The following GSE1 variants were observed in gnomAD, a reference collection of about 807,000 sequenced individuals.
GSE1 encodes the protein genetic suppressor element 1.
In GSE1, 32 loss-of-function variants were observed where a neutral mutation model predicts 112.6. The observed-to-expected ratio is 0.28, with a 90% confidence interval of 0.21 to 0.38. The LOEUF (loss-of-function observed/expected upper bound fraction) is 0.38, where lower values mean the gene tolerates loss of function less well. GSE1 is among the 10% of genes least tolerant of loss of function. GSE1 has a pLI of 1.00. For missense variants in GSE1, 2,348 were observed against 1,699.2 expected (o/e 1.38, Z -6.71); for synonymous variants, 1,115 against 735.6 (o/e 1.52, Z -8.35).
chr16:85,350,615 C>T (rs2046833452), intron 1 of GSE1, among the ~76,000 whole-genome samples: 1 of 152,244 alleles, frequency 6.6e-6, no homozygotes, highest in East Asian at 1.9e-4. Flanking sequence ...CTTTGAGGGG[C>T]CATGAGGTCA....
chr16:85,170,875 C>G (rs2074348332), exon 1 of GSE1: 1 of 985,548 alleles, frequency 1.0e-6, no homozygotes, highest in South Asian at 4.7e-5. Flanking sequence ...CTATGTGGTG[C>G]CCCTGGACAG....
chr16:85,348,218 A>G lies in GSE1; in HGVS notation c.2284-9245A>G, dbSNP rs1344689837. Reference sequence around the variant, plus strand: ...CTGTCCATCATCTGTCCACCCATCTATCATCCATCCACCTGTCCATCATCC... The same window carrying G: ...CTGTCCATCATCTGTCCACCCATCTGTCATCCATCCACCTGTCCATCATCC... On this transcript the variant is annotated intron_variant, in intron 1 of 2. Transcript: ENST00000637419. Among the ~76,000 whole-genome samples the G allele has an allele frequency of 2.0e-5, 3 of 151,576 alleles. No individual in the cohort carries two copies. In the East Asian group the frequency reaches 5.8e-4, roughly 29 times the overall value.
intron 1 of GSE1, among the ~76,000 whole-genome samples, chr16:85,290,308 A>G (rs1352967833): frequency 6.6e-6 from 1 of 152,168 alleles, no homozygotes; most frequent in Admixed American, 6.5e-5. Flanking sequence ...GGCCATGTCC[A>G]CGTCACCCCC....
At chr16:85,592,563 G>C (rs916755317) in intron 1 of GSE1, 2 of 152,230 alleles carry the variant, frequency 1.3e-5, no homozygotes, top group Non-Finnish European at 2.9e-5. Context: ...ATTTCTACCC[G>C]TGGCCCCTTC....
At chr16:85,630,218 C>T (rs1385796789) in intron 1 of GSE1, among the ~76,000 whole-genome samples, 1 of 152,220 alleles carries the variant, frequency 6.6e-6, no homozygotes, top group Non-Finnish European at 1.5e-5. Context: ...GGTGATCTTA[C>T]CTTGGCAGCT....
chr16:85,215,952 C>A (rs755138987), intron 1 of GSE1, among the ~76,000 whole-genome samples: 1 of 152,202 alleles, frequency 6.6e-6, no homozygotes, highest in South Asian at 2.1e-4. Context: ...GCAAACCCAG[C>A]TGTGAGCAGA....
chr16:85,201,484 G>C (rs7193671), intron 1 of GSE1, among the ~76,000 whole-genome samples: 94,068 of 151,276 alleles, frequency 0.62, 29,668 homozygotes, highest in Middle Eastern at 0.68. Flanking sequence ...GTGGTGAAAC[G>C]CCATCTGTAC....
chr16:85,610,141 G>C (rs1037592792), upstream of GSE1, among the ~76,000 whole-genome samples: 1 of 152,232 alleles, frequency 6.6e-6, no homozygotes, highest in Non-Finnish European at 1.5e-5. Context: ...CTCAGGGTGT[G>C]AGCAAACGCG....
At chr16:85,328,065 C>T (rs566007513) in intron 1 of GSE1, among the ~76,000 whole-genome samples, 1 of 152,368 alleles carries the variant, frequency 6.6e-6, no homozygotes, top group South Asian at 2.1e-4. Context: ...TTGGCCTCTC[C>T]TCCTTATGTT....
intron 1 of GSE1, among the ~76,000 whole-genome samples, chr16:85,600,609 CA>C (rs1186937826): frequency 3.3e-5 from 5 of 151,964 alleles, no homozygotes; most frequent in African/African-American, 1.2e-4. Context: ...CACACACACA[CA>C]CCCCAAAAAC....
chr16:85,543,915 G>T (rs1322907109), intron 2 of GSE1, among the ~76,000 whole-genome samples: 2 of 152,178 alleles, frequency 1.3e-5, no homozygotes, highest in African/African-American at 2.4e-5. Context: ...TCAGCTCACT[G>T]CAACCTCTGC....
intron 1 of GSE1, among the ~76,000 whole-genome samples, chr16:85,296,333 A>G (rs539857303): frequency 6.6e-6 from 1 of 152,266 alleles, no homozygotes; most frequent in East Asian, 1.9e-4. Flanking sequence ...GGCCGGGTGC[A>G]GTGGCTCCCG....
In GSE1 at chr16:85,672,710, G is replaced by C. The variant is rs747728586; in HGVS notation, c.*171G>C. On this transcript the variant is annotated 3_prime_UTR_variant, in exon 16 of 16. Coordinates refer to ENST00000253458, the MANE Select transcript of GSE1 (RefSeq NM_014615.5). ...AAAAAATGAATGAACTCACCTTGAC[G>C]TCAATGCAATTGAATCACCGTTGTC... 5.8e-5 allele frequency: 26 copies of C among 446,624 alleles called. No homozygotes were observed. The highest frequency in any genetic ancestry group is 9.0e-5 in the Non-Finnish European group (23 of 255,662). 27.7% of individuals were successfully genotyped at this position (446,624 alleles called of 1,614,324 possible). A position where few individuals can be genotyped will look rare whatever the true frequency, so the allele number is the denominator to read the frequency against.
At chr16:85,221,118 C>T (rs2075383821) in intron 1 of GSE1, among the ~76,000 whole-genome samples, 2 of 152,034 alleles carry the variant, frequency 1.3e-5, no homozygotes, top group South Asian at 4.2e-4. Context: ...CCTCCGAGGT[C>T]AAGCGGTGCA....
chr16:85,632,592 A>C (rs1297884678), intron 1 of GSE1, among the ~76,000 whole-genome samples: 6 of 152,032 alleles, frequency 3.9e-5, no homozygotes, highest in Admixed American at 3.9e-4. Flanking sequence ...TTCCAATTAG[A>C]CTTGTCAATG....
intron 3 of GSE1, among the ~76,000 whole-genome samples, chr16:85,653,419 G>T (rs780620118): frequency 6.7e-6 from 1 of 148,390 alleles, no homozygotes; most frequent in African/African-American, 2.5e-5. Flanking sequence ...CAGCCTCTGC[G>T]TGGCTAGGGG....
At chr16:85,197,355 C>T (rs1237630178) in intron 1 of GSE1, among the ~76,000 whole-genome samples, 1 of 152,180 alleles carries the variant, frequency 6.6e-6, no homozygotes, top group Non-Finnish European at 1.5e-5. Flanking sequence ...GAAGAGCAGG[C>T]AGTTAATTTT....
intron 2 of GSE1, among the ~76,000 whole-genome samples, chr16:85,448,725 C>T (rs796608578): frequency 7.2e-5 from 11 of 152,348 alleles, no homozygotes; most frequent in African/African-American, 2.6e-4. Flanking sequence ...CAGCCCGCCC[C>T]ACGCCGCCCA....
At chr16:85,526,218 C>T (rs1023970689) in intron 2 of GSE1, among the ~76,000 whole-genome samples, 3 of 152,248 alleles carry the variant, frequency 2.0e-5, no homozygotes, top group African/African-American at 7.2e-5. Context: ...TGTGCCAGGC[C>T]CAGCTCCTCC....
Sources: gnomAD v4.1 joint callset for allele counts (sites outside exome capture counted in the v4.1 genomes callset) on GRCh38, gnomAD v4.1.1 for gene constraint, MANE v1.5 for transcripts, NCBI Gene and HGNC (gene_info 2026-07-23, HGNC 2026-07-21) for gene names.